Variants in STK32B observed in about 807,000 individuals in gnomAD.
STK32B encodes serine/threonine kinase 32B, also known as serine/threonine-protein kinase 32B.
Under a neutral mutation model 52.6 loss-of-function variants are expected in STK32B, and 43 were observed. The ratio of observed to expected loss-of-function variants is 0.82; its 90% CI spans 0.64 to 1.05. STK32B has a LOEUF of 1.05. STK32B is among the 50% of genes least tolerant of loss of function. The probability of loss-of-function intolerance (pLI) is 0.00; values close to 1 mark genes in which losing one functional copy is unlikely to be tolerated. For synonymous variants in STK32B, 238 were observed against 204.3 expected (o/e 1.17, Z -1.41); for missense variants, 621 against 534.6 (o/e 1.16, Z -1.59).
At chr4:5,040,085 C>A in the STK32B span, among the ~76,000 whole-genome samples, 1 of 152,148 alleles carries the variant, frequency 6.6e-6, no homozygotes, top group Non-Finnish European at 1.5e-5. Context: ...GTAGGAGATG[C>A]GGTCGGTGCA....
chr4:5,278,178 C>T (rs1472220862), intron 3 of STK32B, among the ~76,000 whole-genome samples: 1 of 152,168 alleles, frequency 6.6e-6, no homozygotes, highest in African/African-American at 2.4e-5. Context: ...CATGAAGAGC[C>T]TCTCAGTAAA....
intron 2 of STK32B, among the ~76,000 whole-genome samples, chr4:5,165,433 G>C (rs1248042207): frequency 6.6e-6 from 1 of 152,144 alleles, no homozygotes; most frequent in Non-Finnish European, 1.5e-5. Context: ...TTGAAACCCA[G>C]AAGCGCCATG....
At chr4:5,361,250 G>C (rs1039715418) in intron 4 of STK32B, among the ~76,000 whole-genome samples, 6 of 152,204 alleles carry the variant, frequency 3.9e-5, no homozygotes, top group African/African-American at 1.4e-4. Context: ...CCCACCTTTT[G>C]GCTATTGTGA....
At chr4:5,045,190 G>A in the STK32B span, among the ~76,000 whole-genome samples, 1 of 152,242 alleles carries the variant, frequency 6.6e-6, no homozygotes, top group Non-Finnish European at 1.5e-5. Flanking sequence ...TGAGCCACCT[G>A]CCAGGCTCTG....
intron 6 of STK32B, among the ~76,000 whole-genome samples, chr4:5,442,343 C>T (rs199737288): frequency 6.6e-6 from 1 of 152,090 alleles, no homozygotes; most frequent in Non-Finnish European, 1.5e-5. Context: ...GAATTGATCC[C>T]TTTACCATTA....
rs1367905763 is a variant in STK32B at position 5,316,300 on chromosome 4, TAATATA to T, written c.261-14919_261-14914del. Among the ~76,000 whole-genome samples the T allele has an allele frequency of 5.1e-5, 3 of 58,462 alleles. 1 individual carries two copies. Among genetic ancestry groups the T allele is most frequent in the African/African-American group, 3.9e-4 (3 of 7,652 alleles). The allele number at this position is 58,462 out of a possible 152,430, so 38.4% of individuals were successfully genotyped here. On this transcript the variant is annotated intron_variant, in intron 3 of 11. Coordinates refer to ENST00000282908, the MANE Select transcript of STK32B (RefSeq NM_018401.3). Reference sequence around the variant, plus strand: ...AATATATTATATACAATATTATATATAATATATATATTGTATATTATATATTATATA... The same window carrying T: ...AATATATTATATACAATATTATATATTATATTGTATATTATATATTATATA...
intron 4 of STK32B, among the ~76,000 whole-genome samples, chr4:5,335,283 C>T (rs1284643865): frequency 2.6e-5 from 4 of 152,124 alleles, no homozygotes; most frequent in Non-Finnish European, 2.9e-5. Context: ...TTGTAGTATT[C>T]TCTGATGGTA....
In STK32B at chr4:5,416,898, A is replaced by T; in HGVS notation, c.526A>T (p.Arg176Trp). 1 of 1,613,912 alleles carries T rather than the reference A, an allele frequency of 6.2e-7. No homozygotes were observed. Among genetic ancestry groups the T allele is most frequent in the Non-Finnish European group, 8.5e-7 (1 of 1,179,938 alleles). Residue 176 changes from arginine to tryptophan, a missense_variant, in exon 6 of 12, where the codon AGG becomes TGG. Arg to Trp is a moderately radical substitution (Grantham distance 101, BLOSUM62 -3). Transcript: ENST00000282908. The stretch of plus-strand genomic sequence containing the variant: ...AGCGACGGTAGTGAAAGGAGCAGAA[A>T]GGGCTTCCTCCATGGCTGGCACCAA... ...NIATVVKGAERASSMAGTKPY... is the reference protein window; with the variant it reads ...NIATVVKGAEWASSMAGTKPY...
chr4:5,360,953 C>A (rs780181117), intron 4 of STK32B, among the ~76,000 whole-genome samples: 1 of 152,158 alleles, frequency 6.6e-6, no homozygotes, highest in African/African-American at 2.4e-5. Flanking sequence ...TTTGCAAAAC[C>A]GAAATTCTGT....
chr4:5,148,019 C>A (rs368888368), intron 2 of STK32B, among the ~76,000 whole-genome samples: 1 of 151,852 alleles, frequency 6.6e-6, no homozygotes, highest in Non-Finnish European at 1.5e-5. Flanking sequence ...ATGAAGTTAT[C>A]TGGGTATAGA....
chr4:5,403,510 T>C (rs935547911), intron 5 of STK32B, among the ~76,000 whole-genome samples: 2 of 152,228 alleles, frequency 1.3e-5, no homozygotes, highest in African/African-American at 4.8e-5. Context: ...TCTTGGGAAC[T>C]GTAACAAACT....
intron 3 of STK32B, among the ~76,000 whole-genome samples, chr4:5,242,206 G>T (rs910101025): frequency 2.6e-5 from 4 of 152,174 alleles, no homozygotes; most frequent in Admixed American, 2.0e-4. Context: ...GTGTATAAGT[G>T]TTCCTATTTC....
intron 3 of STK32B, among the ~76,000 whole-genome samples, chr4:5,250,637 C>T (rs1003205639): frequency 5.9e-5 from 9 of 152,138 alleles, no homozygotes; most frequent in Admixed American, 2.6e-4. Context: ...AAGAAATTGC[C>T]AAACTACTTT....
intron 3 of STK32B, among the ~76,000 whole-genome samples, chr4:5,251,675 A>G (rs1471523047): frequency 6.6e-6 from 1 of 152,172 alleles, no homozygotes; most frequent in Non-Finnish European, 1.5e-5. Flanking sequence ...CAGTATGGTC[A>G]TTTTAACAAT....
intron 2 of STK32B, among the ~76,000 whole-genome samples, chr4:5,161,833 C>T (rs1446370255): frequency 3.9e-5 from 6 of 152,014 alleles, no homozygotes; most frequent in African/African-American, 1.5e-4. Flanking sequence ...TTTTTCTTCC[C>T]CCTACCCCCA....
chr4:5,250,090 T>G (rs1017193785), intron 3 of STK32B, among the ~76,000 whole-genome samples: 2 of 152,188 alleles, frequency 1.3e-5, no homozygotes, highest in African/African-American at 4.8e-5. Flanking sequence ...CATGATCTCA[T>G]TCAGTTTTAT....
chr4:5,282,112 G>T (rs2108871794), intron 3 of STK32B, among the ~76,000 whole-genome samples: 1 of 152,174 alleles, frequency 6.6e-6, no homozygotes, highest in South Asian at 2.1e-4. Context: ...TGAGACATTT[G>T]AAATTTACTC....
Position 5,470,778 on chromosome 4 carries a change from A to C in STK32B, c.1106+2708A>C, listed in dbSNP as rs1001072274. On this transcript the variant is annotated intron_variant, in intron 11 of 11. Coordinates refer to ENST00000282908, the MANE Select transcript of STK32B (RefSeq NM_018401.3). This position sits in a 1 kb window ranked among gnomAD's most constrained non-coding sequence, Gnocchi z 4.6. ...AAGCATTTTTACTTTAAACCAAGAA[A>C]AAAGTGAGACCTGTTTATCCTTCAC... is the stretch of plus-strand genomic sequence containing the variant. Among the ~76,000 whole-genome samples, 1 of 152,258 alleles carries C rather than the reference A, an allele frequency of 6.6e-6. No homozygotes were observed. The highest frequency in any genetic ancestry group is 1.5e-5 in the Non-Finnish European group (1 of 68,050).
At chr4:5,301,919 A>G (rs1229184551) in intron 3 of STK32B, among the ~76,000 whole-genome samples, 1 of 151,202 alleles carries the variant, frequency 6.6e-6, no homozygotes, top group African/African-American at 2.4e-5. Flanking sequence ...TAGTCCATTT[A>G]TATTATGTAG....
Sources: allele counts gnomAD v4.1 joint callset (sites outside exome capture counted in the v4.1 genomes callset), GRCh38; gene constraint gnomAD v4.1.1; non-coding constraint Gnocchi (gnomAD v3.1); transcripts MANE v1.5; gene names NCBI Gene and HGNC (gene_info 2026-07-23, HGNC 2026-07-21).